ZNF236: variants seen among roughly 807,000 people sequenced by gnomAD.
ZNF236 encodes regulated by glucose.
Under a neutral mutation model 191.2 loss-of-function variants are expected in ZNF236, and 50 were observed. The observed-to-expected ratio is 0.26, with a 90% CI of 0.21 to 0.33. The LOEUF is 0.33. ZNF236 is among the 10% of genes least tolerant of loss of function. The pLI, the probability that ZNF236 is intolerant of heterozygous loss-of-function variation, is 1.00. For synonymous variants in ZNF236, 907 were observed against 928.8 expected, an observed-to-expected ratio of 0.98 and a Z score of 0.43; for missense variants, 1,754 against 2,374.5, an observed-to-expected ratio of 0.74 and a Z score of 5.43.
intron 20 of ZNF236, among the ~76,000 whole-genome samples, chr18:76,921,319 CGTT>C (rs1466640638): frequency 6.6e-6 from 1 of 152,174 alleles, no homozygotes; most frequent in East Asian, 1.9e-4. Flanking sequence ...AGCGAGCTCT[CGTT>C]GAGCCATGCA....
intron 29 of ZNF236, 88 bp downstream of exon 29, chr18:76,959,904 A>T: frequency 7.0e-7 from 1 of 1,436,934 alleles, no homozygotes; most frequent in East Asian, 2.3e-5. Flanking sequence ...TGCAATATTC[A>T]CGAGCGATGG....
chr18:76,898,659 A>T (rs1253170205), intron 10 of ZNF236, among the ~76,000 whole-genome samples: 1 of 152,262 alleles, frequency 6.6e-6, no homozygotes, highest in Admixed American at 6.5e-5. Flanking sequence ...TCTCAGCAGC[A>T]GCCCTGGAGG....
At chr18:76,943,353 G>A (rs1968185614) in intron 26 of ZNF236, among the ~76,000 whole-genome samples, 1 of 152,122 alleles carries the variant, frequency 6.6e-6, no homozygotes, top group African/African-American at 2.4e-5. Flanking sequence ...GGGTGAGGAG[G>A]AGCAGGCCGG....
At chr18:76,839,213 T>TA (rs1258886203) in intron 1 of ZNF236, among the ~76,000 whole-genome samples, 1 of 152,252 alleles carries the variant, frequency 6.6e-6, no homozygotes, top group Non-Finnish European at 1.5e-5. Flanking sequence ...TGGGTGCACA[T>TA]ACGTACACAT....
In ZNF236 at chr18:76,968,591, C is replaced by T; in HGVS notation, c.*252C>T. The T allele has an allele frequency of 2.4e-6, 3 of 1,246,868 alleles. No individual in the cohort carries two copies. In the East Asian group the frequency reaches 1.3e-4, roughly 54 times the overall value. The allele number at this position is 1,246,868 out of a possible 1,614,324, so 77.2% of individuals were successfully genotyped here. On this transcript the variant is annotated 3_prime_UTR_variant, in exon 31 of 31. Coordinates refer to ENST00000320610, the MANE Select transcript of ZNF236 (RefSeq NM_001306089.2). ...GTACTACTGTAGGCAGTTTCCTCCT[C>T]AGTCTCCTCCGTGGCTAGTGTGTCT...
At chr18:76,966,260 T>G (rs1968772373) in intron 30 of ZNF236, among the ~76,000 whole-genome samples, 1 of 152,212 alleles carries the variant, frequency 6.6e-6, no homozygotes, top group South Asian at 2.1e-4. Flanking sequence ...CCATGATCTC[T>G]GGAAGCCTGT....
chr18:76,947,342 T>A (rs1355408373), intron 26 of ZNF236, among the ~76,000 whole-genome samples, 179 bp from the exon 27 acceptor site: 13 of 152,108 alleles, frequency 8.5e-5, no homozygotes, highest in Non-Finnish European at 1.5e-5. Context: ...TGGACATTTC[T>A]GTACAAGGCT....
chr18:76,826,392 G>C lies in ZNF236; in HGVS notation c.55+3730G>C, dbSNP rs956739832. On this transcript the variant is annotated intron_variant, in intron 1 of 30. Coordinates refer to ENST00000320610, the MANE Select transcript of ZNF236 (RefSeq NM_001306089.2). Reference sequence around the variant, plus strand: ...GCCCGCCTCGGCCTCCCAAAGTGCTGGGATTATAGGCGTGAGCTACCGCGA... The same window carrying C: ...GCCCGCCTCGGCCTCCCAAAGTGCTCGGATTATAGGCGTGAGCTACCGCGA... 9.3e-5 allele frequency among the ~76,000 whole-genome samples: 14 copies of C among 150,480 alleles called. No individual in the cohort carries two copies. In the South Asian group the frequency reaches 1.5e-3, roughly 16 times the overall value.
chr18:76,956,968 A>C (rs568895242), intron 28 of ZNF236, among the ~76,000 whole-genome samples: 7 of 152,328 alleles, frequency 4.6e-5, no homozygotes, highest in African/African-American at 1.7e-4. Flanking sequence ...GTGGGATGAA[A>C]GTGGCACTTT....
chr18:76,902,487 G>A (rs1199902731), intron 11 of ZNF236, among the ~76,000 whole-genome samples: 1 of 152,174 alleles, frequency 6.6e-6, no homozygotes, highest in Non-Finnish European at 1.5e-5. Flanking sequence ...CTGTTTTTGA[G>A]AACCAGGCAT....
chr18:76,826,891 TTTTG>T (rs1975034750), intron 1 of ZNF236, among the ~76,000 whole-genome samples: 1 of 148,234 alleles, frequency 6.7e-6, no homozygotes, highest in Non-Finnish European at 1.5e-5. Flanking sequence ...ACAACTATTT[TTTTG>T]TTTTTGTTTT....
chr18:76,832,790 A>G (rs1975211209), intron 1 of ZNF236, among the ~76,000 whole-genome samples: 1 of 152,184 alleles, frequency 6.6e-6, no homozygotes, highest in African/African-American at 2.4e-5. Flanking sequence ...TGATCAAATT[A>G]TATTGACTCT....
At chr18:76,883,853 G>C (rs768479557) in intron 9 of ZNF236, among the ~76,000 whole-genome samples, 9 of 152,090 alleles carry the variant, frequency 5.9e-5, no homozygotes, top group Non-Finnish European at 1.0e-4. Context: ...TGATATCTTA[G>C]AAAGACCATG....
intron 27 of ZNF236, among the ~76,000 whole-genome samples, chr18:76,953,106 A>G (rs1177400606): frequency 2.0e-5 from 3 of 152,226 alleles, no homozygotes; most frequent in South Asian, 2.1e-4. Flanking sequence ...TGTACTCACA[A>G]TGGAAAAACG....
At chr18:76,833,006 A>G (rs1466958381) in intron 1 of ZNF236, among the ~76,000 whole-genome samples, 1 of 151,956 alleles carries the variant, frequency 6.6e-6, no homozygotes, top group Non-Finnish European at 1.5e-5. Context: ...TAAAAATTTC[A>G]TTTTCTATAT....
At chr18:76,918,700 G>T (rs566772557) in intron 19 of ZNF236, among the ~76,000 whole-genome samples, 1 of 152,174 alleles carries the variant, frequency 6.6e-6, no homozygotes, top group African/African-American at 2.4e-5. Context: ...GATTACAGGC[G>T]CGCGCCCCCA....
chr18:76,921,133 G>A (rs76213875), intron 20 of ZNF236, among the ~76,000 whole-genome samples: 2,096 of 152,316 alleles, frequency 0.014, 47 homozygotes, highest in African/African-American at 0.047. Flanking sequence ...GTTTCAAGGA[G>A]CTGTTGGGTT....
chr18:76,883,362 C>CTTTTTTTTTTTTTTTTTTTTTTTTT, intron 9 of ZNF236, among the ~76,000 whole-genome samples: 1 of 93,084 alleles, frequency 1.1e-5, no homozygotes, highest in Non-Finnish European at 2.2e-5. Context: ...GGAGCCAGTG[C>CTTTTTTTTTTTTTTTTTTTTTTTTT]TTTTTTTTTT....
chr18:76,850,207 T>TAAA (rs1213982126), intron 2 of ZNF236, among the ~76,000 whole-genome samples: 1 of 152,198 alleles, frequency 6.6e-6, no homozygotes, highest in Non-Finnish European at 1.5e-5. Context: ...AAGTGACAGT[T>TAAA]AAAACTATAA....
Sources: allele counts gnomAD v4.1 joint callset (sites outside exome capture counted in the v4.1 genomes callset), GRCh38; gene constraint gnomAD v4.1.1; transcripts MANE v1.5; gene names NCBI Gene and HGNC (gene_info 2026-07-23, HGNC 2026-07-21).